Variants in MTUS2 observed in about 807,000 individuals in gnomAD.
MTUS2 encodes microtubule-associated tumor suppressor candidate 2.
Under a neutral mutation model 114.1 loss-of-function variants are expected in MTUS2, and 40 were observed. The ratio of observed to expected loss-of-function variants is 0.35; its 90% CI spans 0.27 to 0.46. The LOEUF is 0.46. MTUS2 is among the 20% of genes least tolerant of loss of function. MTUS2 has a pLI of 1.00. For missense variants in MTUS2, 1,679 were observed against 1,705.4 expected (o/e 0.98, Z 0.27); for synonymous variants, 688 against 672.0 (o/e 1.02, Z -0.37).
Position 28,882,582 on chromosome 13 carries a change from A to G in MTUS2, c.-243+42732A>G, listed in dbSNP as rs535721985. ...GAGACTCTGTCTCTACAAACAAAAC[A>G]AAACATTACCTGGGTGTGGTGACAT... On this transcript the variant is annotated intron_variant, in intron 2 of 15. Coordinates refer to ENST00000612955, the MANE Select transcript of MTUS2 (RefSeq NM_001033602.4). 4.0e-4 allele frequency among the ~76,000 whole-genome samples: 61 copies of G among 152,106 alleles called. 1 individual carries two copies. The highest frequency in any genetic ancestry group is 1.4e-3 in the African/African-American group (60 of 41,494).
chr13:29,435,110 A>G (rs900083036), intron 8 of MTUS2, among the ~76,000 whole-genome samples: 23 of 152,344 alleles, frequency 1.5e-4, no homozygotes, highest in African/African-American at 5.5e-4. Context: ...AGAGCGGTAC[A>G]TGAACAAATG....
At chr13:29,239,104 T>G (rs915743222) in intron 5 of MTUS2, among the ~76,000 whole-genome samples, 4 of 152,192 alleles carry the variant, frequency 2.6e-5, no homozygotes, top group African/African-American at 9.6e-5. Flanking sequence ...TCCCCAAGTG[T>G]TCTCACCACA....
At chr13:29,492,210 GTGA>G (rs1157321670) in intron 11 of MTUS2, among the ~76,000 whole-genome samples, 1 of 2,954 alleles carries the variant, frequency 3.4e-4, no homozygotes, top group Non-Finnish European at 7.2e-4. Flanking sequence ...TGGTGTGTAT[GTGA>G]TGTGTGGTAG....
In MTUS2 at chr13:28,837,002, T is replaced by C. The variant is rs368415657; in HGVS notation, c.-315-2776T>C. On this transcript the variant is annotated intron_variant, in intron 1 of 15. Transcript: ENST00000612955. ...TCTCCTATTCTGCAACATTGGGTGA[T>C]TGAAATCTACTCAGGCTGTTGCTAT... Among the ~76,000 whole-genome samples, 152 of 152,298 alleles carry C rather than the reference T, an allele frequency of 1.0e-3. 1 individual carries two copies. Among genetic ancestry groups the C allele is most frequent in the African/African-American group, 3.5e-3 (147 of 41,566 alleles).
intron 5 of MTUS2, among the ~76,000 whole-genome samples, chr13:29,211,088 G>A (rs1330361945): frequency 6.6e-6 from 1 of 152,144 alleles, no homozygotes. Context: ...AAGACCATCA[G>A]GTGGGGGCAG....
At chr13:28,867,310 TC>T (rs1877358304) in intron 2 of MTUS2, among the ~76,000 whole-genome samples, 1 of 152,194 alleles carries the variant, frequency 6.6e-6, no homozygotes, top group African/African-American at 2.4e-5. Flanking sequence ...CTTCTCTGTT[TC>T]CCCTCATACT....
At chr13:29,474,803 A>G (rs1880573527) in intron 9 of MTUS2, among the ~76,000 whole-genome samples, 1 of 152,130 alleles carries the variant, frequency 6.6e-6, no homozygotes, top group African/African-American at 2.4e-5. Context: ...CACTTGTGAA[A>G]TTATTGTATT....
intron 2 of MTUS2, among the ~76,000 whole-genome samples, chr13:28,888,554 T>C (rs530941734): frequency 6.6e-6 from 1 of 152,200 alleles, no homozygotes; most frequent in South Asian, 2.1e-4. Flanking sequence ...CCTGAGTAGC[T>C]GGGATTACAG....
At chr13:29,012,779 C>T (rs533259528) in intron 2 of MTUS2, among the ~76,000 whole-genome samples, 30 of 152,156 alleles carry the variant, frequency 2.0e-4, no homozygotes, top group African/African-American at 7.2e-4. Context: ...GAGGCTGAGG[C>T]AGGAGAATGG....
intron 14 of MTUS2, among the ~76,000 whole-genome samples, chr13:29,498,942 G>A (rs1035384060): frequency 3.3e-4 from 50 of 152,110 alleles, no homozygotes; most frequent in Middle Eastern, 6.3e-3. Flanking sequence ...GCCACCAGCC[G>A]CTTTACAGAT....
intron 5 of MTUS2, among the ~76,000 whole-genome samples, chr13:29,122,198 A>G (rs1891338610): frequency 6.6e-6 from 1 of 152,128 alleles, no homozygotes. Flanking sequence ...AGGAGGGAGA[A>G]GGGGCTAAGT....
chr13:29,469,419 G>T (rs1242530762), intron 9 of MTUS2, among the ~76,000 whole-genome samples: 1 of 152,080 alleles, frequency 6.6e-6, no homozygotes, highest in Non-Finnish European at 1.5e-5. Context: ...ACGAGGTCAG[G>T]AGTGGAGACC....
chr13:28,882,730 C>A (rs1397981447), intron 2 of MTUS2, among the ~76,000 whole-genome samples: 1 of 152,090 alleles, frequency 6.6e-6, no homozygotes, highest in Non-Finnish European at 1.5e-5. Flanking sequence ...GGGTGAGATC[C>A]TGTCTCTAAA....
chr13:29,121,398 C>T (rs940862253), intron 5 of MTUS2, among the ~76,000 whole-genome samples: 3 of 151,730 alleles, frequency 2.0e-5, no homozygotes, highest in Non-Finnish European at 4.4e-5. Flanking sequence ...AAAAAGACTC[C>T]TTATTTCCCT....
At chr13:29,421,689 A>G (rs1183488916) in intron 8 of MTUS2, among the ~76,000 whole-genome samples, 1 of 152,232 alleles carries the variant, frequency 6.6e-6, no homozygotes, top group East Asian at 1.9e-4. Context: ...ATAGACAATT[A>G]TTATGATATC....
At chr13:28,974,074 G>T (rs962817558) in intron 2 of MTUS2, among the ~76,000 whole-genome samples, 8 of 152,102 alleles carry the variant, frequency 5.3e-5, no homozygotes, top group Non-Finnish European at 1.2e-4. Flanking sequence ...TTGTTATACT[G>T]CCCTCTTTGT....
Position 29,025,846 on chromosome 13 carries a change from G to A in MTUS2, c.1148G>A (p.Gly383Glu). Reference protein sequence around the residue: ...VGRGNCEEKRGVNPGEQDSLH... With the variant: ...VGRGNCEEKREVNPGEQDSLH... ...AGAGGCAACTGTGAAGAGAAGAGAGGAGTCAACCCAGGGGAGCAGGATTCT... is the reference window on the plus strand; with the variant it reads ...AGAGGCAACTGTGAAGAGAAGAGAGAAGTCAACCCAGGGGAGCAGGATTCT... Residue 383 changes from glycine (G) to glutamate (E), a missense_variant, in exon 3 of 16, where the codon GGA (glycine) becomes GAA (glutamate). Physicochemically the swap from Gly to Glu is moderately conservative, Grantham distance 98. Coordinates refer to ENST00000612955, the MANE Select transcript of MTUS2 (RefSeq NM_001033602.4). The A allele has an allele frequency of 6.2e-7, 1 of 1,613,578 alleles. No homozygotes were observed. The highest frequency in any genetic ancestry group is 8.5e-7 in the Non-Finnish European group (1 of 1,179,712).
chr13:28,901,875 T>G (rs1263447516), intron 2 of MTUS2, among the ~76,000 whole-genome samples: 6 of 152,220 alleles, frequency 3.9e-5, no homozygotes, highest in Non-Finnish European at 7.3e-5. Flanking sequence ...CTTGTTCATC[T>G]GCAAACAAAC....
At chr13:29,334,625 C>T (rs1362368553) in intron 7 of MTUS2, among the ~76,000 whole-genome samples, 1 of 152,118 alleles carries the variant, frequency 6.6e-6, no homozygotes, top group Non-Finnish European at 1.5e-5. Context: ...TCTGTGGCTG[C>T]TACTAACATT....
Sources: gnomAD v4.1 joint callset for allele counts (sites outside exome capture counted in the v4.1 genomes callset) on GRCh38, gnomAD v4.1.1 for gene constraint, MANE v1.5 for transcripts, NCBI Gene and HGNC (gene_info 2026-07-23, HGNC 2026-07-21) for gene names.